Variants in RNGTT observed in about 807,000 individuals in gnomAD.
RNGTT encodes mRNA-capping enzyme.
A neutral mutation model predicts 79.3 loss-of-function variants in RNGTT; 33 were observed. The observed-to-expected ratio is 0.42, with a 90% confidence interval of 0.32 to 0.56. RNGTT has a LOEUF of 0.56. Ranked by LOEUF, RNGTT falls within the 20% of genes least tolerant of loss-of-function variation. The probability of loss-of-function intolerance (pLI) is 0.17; values close to 1 mark genes in which losing one functional copy is unlikely to be tolerated. For synonymous variants in RNGTT, 222 were observed against 235.9 expected, an observed-to-expected ratio of 0.94 and a Z score of 0.54; for missense variants, 497 against 739.1, an observed-to-expected ratio of 0.67 and a Z score of 3.80.
intron 13 of RNGTT, among the ~76,000 whole-genome samples, chr6:88,682,114 A>G (rs1409827698): frequency 5.3e-5 from 8 of 152,182 alleles, no homozygotes; most frequent in Non-Finnish European, 1.2e-4. Flanking sequence ...TCACTCACCC[A>G]ATATTGATGA....
chr6:88,726,409 C>CAAAAAAAAAAAAAAA (rs1776908388), intron 13 of RNGTT, among the ~76,000 whole-genome samples: 1 of 121,922 alleles, frequency 8.2e-6, no homozygotes. Context: ...AAAAAAAAAG[C>CAAAAAAAAAAAAAAA]AAAAAGGTAG....
At chr6:88,753,253 C>T (rs1328401400) in intron 13 of RNGTT, among the ~76,000 whole-genome samples, 1 of 152,150 alleles carries the variant, frequency 6.6e-6, no homozygotes, top group Admixed American at 6.5e-5. Flanking sequence ...TGGCTCACAC[C>T]TAGCACTTTG....
intron 12 of RNGTT, among the ~76,000 whole-genome samples, chr6:88,772,078 C>T (rs1196094888): frequency 6.6e-6 from 1 of 151,662 alleles, no homozygotes; most frequent in African/African-American, 2.4e-5. Flanking sequence ...CCTTAGGAGA[C>T]TGAGGTGGGA....
intron 12 of RNGTT, among the ~76,000 whole-genome samples, chr6:88,794,028 G>C (rs1677268550): frequency 6.6e-6 from 1 of 152,162 alleles, no homozygotes; most frequent in African/African-American, 2.4e-5. Flanking sequence ...TTCAAGTACT[G>C]ATTTATATCA....
intron 8 of RNGTT, among the ~76,000 whole-genome samples, chr6:88,871,896 A>G (rs1782368357): frequency 6.6e-6 from 1 of 152,122 alleles, no homozygotes; most frequent in African/African-American, 2.4e-5. Context: ...GATGGAAAAG[A>G]CCATTCCCCC....
intron 11 of RNGTT, among the ~76,000 whole-genome samples, chr6:88,806,550 C>T (rs928636410): frequency 1.3e-5 from 2 of 151,776 alleles, no homozygotes; most frequent in Non-Finnish European, 2.9e-5. Context: ...CTCCTGACCT[C>T]GTGATCTGCC....
intron 12 of RNGTT, among the ~76,000 whole-genome samples, chr6:88,774,888 G>C (rs759357026): frequency 1.3e-5 from 2 of 152,148 alleles, no homozygotes; most frequent in Admixed American, 6.5e-5. Context: ...TTTGGAAATA[G>C]ACAGTGGAGG....
At chr6:88,883,957 T>C (rs1782776227) in intron 8 of RNGTT, among the ~76,000 whole-genome samples, 1 of 152,188 alleles carries the variant, frequency 6.6e-6, no homozygotes, top group South Asian at 2.1e-4. Context: ...TGAAATACCA[T>C]TTCTCACTAA....
At chr6:88,780,915 T>C (rs1189361835) in intron 12 of RNGTT, among the ~76,000 whole-genome samples, 2 of 152,100 alleles carry the variant, frequency 1.3e-5, no homozygotes, top group African/African-American at 2.4e-5. Context: ...TAGGGGAGAT[T>C]TTGCCTCCAA....
chr6:88,832,412 A>C (rs2325159), intron 11 of RNGTT, among the ~76,000 whole-genome samples: 93,958 of 151,864 alleles, frequency 0.62, 30,526 homozygotes, highest in African/African-American at 0.83. Context: ...AACTGGACCC[A>C]TTCCTTATAC....
At chr6:88,674,411 C>T (rs1419895789) in intron 14 of RNGTT, among the ~76,000 whole-genome samples, 1 of 151,946 alleles carries the variant, frequency 6.6e-6, no homozygotes, top group Non-Finnish European at 1.5e-5. Context: ...ATGTAGCATG[C>T]ACCTGTAGTT....
chr6:88,753,652 A>G (rs189639824), intron 13 of RNGTT, among the ~76,000 whole-genome samples: 2 of 152,158 alleles, frequency 1.3e-5, no homozygotes, highest in Admixed American at 1.3e-4. Context: ...TCCACCCAAA[A>G]TGCAACCGTT....
intron 14 of RNGTT, among the ~76,000 whole-genome samples, chr6:88,672,205 A>C (rs185848129): frequency 0.011 from 837 of 76,908 alleles, 8 homozygotes; most frequent in African/African-American, 0.098. Flanking sequence ...GTATATACAT[A>C]TATATATATA....
At chr6:88,634,390 T>C (rs1773016446) in intron 14 of RNGTT, among the ~76,000 whole-genome samples, 4 of 152,050 alleles carry the variant, frequency 2.6e-5, no homozygotes, top group African/African-American at 9.7e-5. Context: ...TTAAGAAATA[T>C]CTCCATAATA....
intron 12 of RNGTT, among the ~76,000 whole-genome samples, chr6:88,793,541 AAAGATAT>A (rs1779490718): frequency 1.3e-5 from 2 of 152,238 alleles, no homozygotes; most frequent in African/African-American, 4.8e-5. Context: ...TTAGGAGATA[AAAGATAT>A]AAAAGTGAAA....
intron 13 of RNGTT, among the ~76,000 whole-genome samples, chr6:88,714,705 G>C (rs1234629178): frequency 1.1e-5 from 1 of 89,814 alleles, no homozygotes; most frequent in Non-Finnish European, 1.9e-5. Flanking sequence ...GCCTCCCAAA[G>C]TGCTGGGATT....
chr6:88,936,360 A>G (rs182243652), intron 2 of RNGTT, among the ~76,000 whole-genome samples: 1 of 152,032 alleles, frequency 6.6e-6, no homozygotes, highest in East Asian at 1.9e-4. Flanking sequence ...TTTTTTTCCA[A>G]TTTGGGTGCC....
At chr6:88,958,010 G>A (rs181223883) in intron 1 of RNGTT, among the ~76,000 whole-genome samples, 1 of 152,250 alleles carries the variant, frequency 6.6e-6, no homozygotes, top group East Asian at 1.9e-4. Context: ...AAACAGCATA[G>A]TACTGGTATA....
At chr6:88,646,544 C>G (rs9344834) in intron 14 of RNGTT, among the ~76,000 whole-genome samples, 151,025 of 152,292 alleles carry the variant, frequency 0.99, 74,887 homozygotes, top group East Asian at 1. Flanking sequence ...ACATGCACAC[C>G]TATGTTTATT....
Sources: gnomAD v4.1 joint callset for allele counts (sites outside exome capture counted in the v4.1 genomes callset) on GRCh38, gnomAD v4.1.1 for gene constraint, MANE v1.5 for transcripts, NCBI Gene and HGNC (gene_info 2026-07-23, HGNC 2026-07-21) for gene names.